Variants in EMID1 observed in about 807,000 individuals in gnomAD.
The protein encoded by EMID1 is EMI domain-containing protein 1.
In EMID1, 40 loss-of-function variants were observed where a neutral mutation model predicts 60.6. That is an observed-to-expected ratio of 0.66 (90% CI 0.51 to 0.86). The LOEUF is 0.86. Ranked by LOEUF, EMID1 falls within the 40% of genes least tolerant of loss-of-function variation. The pLI, the probability that EMID1 is intolerant of heterozygous loss-of-function variation, is 0.00. For missense variants in EMID1, 585 were observed against 597.1 expected (o/e 0.98, Z 0.21); for synonymous variants, 242 against 231.0 (o/e 1.05, Z -0.43).
At position 29,231,147 on chromosome 22, in the gene EMID1, G is replaced by A; in HGVS notation, c.586+7G>A. The A allele has an allele frequency of 1.3e-6, 2 of 1,592,452 alleles. No individual in the cohort carries two copies. Among genetic ancestry groups the A allele is most frequent in the South Asian group, 2.3e-5 (2 of 87,422 alleles). The stretch of plus-strand genomic sequence containing the variant: ...GGAGATGGAGGCCTCCAGGGTGAGT[G>A]TCAGACTCAGACTCCCCTGTGGGAA... On this transcript the variant is annotated splice_region_variant and intron_variant, in intron 6 of 14. Coordinates refer to ENST00000334018, the MANE Select transcript of EMID1 (RefSeq NM_133455.4).
In EMID1 at chr22:29,226,483, C is replaced by A; in HGVS notation, c.404-7C>A. On this transcript the variant is annotated splice_region_variant and splice_polypyrimidine_tract_variant and intron_variant, in intron 4 of 14. Transcript: ENST00000334018. ...GGCCCTGGCCCCAGCTTCCTCCCTC[C>A]CCGCAGGTTGTCTCAACTGCAGCAA... 4 of 1,611,260 alleles carry A rather than the reference C, an allele frequency of 2.5e-6. No individual in the cohort carries two copies. Among genetic ancestry groups the A allele is most frequent in the Non-Finnish European group, 3.4e-6 (4 of 1,178,656 alleles).
chr22:29,208,768 C>G (rs1205928148), intron 1 of EMID1, among the ~76,000 whole-genome samples: 2 of 152,218 alleles, frequency 1.3e-5, no homozygotes, highest in East Asian at 1.9e-4. Flanking sequence ...GCTGGTGTCC[C>G]CAATCCCCAG....
intron 2 of EMID1, chr22:29,215,321 C>T (rs1272213225): frequency 1.3e-5 from 13 of 966,266 alleles, no homozygotes; most frequent in Non-Finnish European, 1.6e-5. Context: ...TCTTCTTGTC[C>T]AGCTGGTATC....
At chr22:29,224,232 C>T (rs1425273376) in intron 3 of EMID1, among the ~76,000 whole-genome samples, 1 of 152,246 alleles carries the variant, frequency 6.6e-6, no homozygotes, top group East Asian at 1.9e-4. Flanking sequence ...CATCAACCCA[C>T]AGCCCCGCTC....
intron 1 of EMID1, among the ~76,000 whole-genome samples, chr22:29,208,712 T>C (rs1401473300): frequency 2.0e-5 from 3 of 152,194 alleles, no homozygotes; most frequent in Non-Finnish European, 4.4e-5. Flanking sequence ...ATGCAGAACC[T>C]GATAATCCCT....
chr22:29,251,382 A>C (rs1478075355), intron 13 of EMID1, among the ~76,000 whole-genome samples: 1 of 143,400 alleles, frequency 7.0e-6, no homozygotes, highest in African/African-American at 2.6e-5. Context: ...GCATCTGGCC[A>C]TTTTTTTTTT....
chr22:29,223,409 T>C (rs2040374124), intron 3 of EMID1, among the ~76,000 whole-genome samples: 1 of 152,220 alleles, frequency 6.6e-6, no homozygotes, highest in Non-Finnish European at 1.5e-5. Context: ...CTTCTTTTGG[T>C]CAACTTCTCA....
rs1185878940 is a variant in EMID1 at position 29,234,079 on chromosome 22, G to A, written c.967-58G>A. 9 of 1,546,224 alleles carry A rather than the reference G, an allele frequency of 5.8e-6. No individual in the cohort carries two copies. In the South Asian group the frequency reaches 7.2e-5, roughly 12 times the overall value. On this transcript the variant is annotated intron_variant, in intron 10 of 14. Coordinates refer to ENST00000334018, the MANE Select transcript of EMID1 (RefSeq NM_133455.4). ...CCCTCCCCAACACCTCTGTTCCCAA[G>A]CCCCTGCCCACTCCATCCTGCCCCA...
At chr22:29,231,806 C>T in intron 7 of EMID1, 124 bp downstream of exon 7, 1 of 958,804 alleles carries the variant, frequency 1.0e-6, no homozygotes, top group Non-Finnish European at 1.5e-6. Flanking sequence ...CTTCACTCAG[C>T]ACCCCACCAC....
intron 3 of EMID1, among the ~76,000 whole-genome samples, chr22:29,218,270 C>G (rs539983669): frequency 6.6e-6 from 1 of 152,250 alleles, no homozygotes; most frequent in Non-Finnish European, 1.5e-5. Context: ...AAGAAACGGA[C>G]CTTGAGTCTC....
chr22:29,253,606 G>T (rs866828473), intron 13 of EMID1, among the ~76,000 whole-genome samples: 1 of 152,120 alleles, frequency 6.6e-6, no homozygotes. Flanking sequence ...CTTTTGACTT[G>T]TGATATTTTC....
rs976816791 is a variant in EMID1 at position 29,205,973 on chromosome 22, A to C, written c.-66A>C. The stretch of plus-strand genomic sequence containing the variant: ...GGGGCGGCTGGCGGCGCGGGCAGGC[A>C]GGCGGGGAGGACAGGCTGGGGGCGG... On this transcript the variant is annotated 5_prime_UTR_variant, in exon 1 of 15. Coordinates refer to ENST00000334018, the MANE Select transcript of EMID1 (RefSeq NM_133455.4). 2.3e-5 allele frequency: 23 copies of C among 998,920 alleles called. No homozygotes were observed. In the African/African-American group the frequency reaches 3.5e-4, roughly 15 times the overall value. 61.9% of individuals were successfully genotyped at this position (998,920 alleles called of 1,614,324 possible). A position where few individuals can be genotyped will look rare whatever the true frequency, so the allele number is the denominator to read the frequency against.
intron 5 of EMID1, among the ~76,000 whole-genome samples, chr22:29,227,704 C>CAAAAA (rs560219761): frequency 6.7e-5 from 6 of 88,948 alleles, no homozygotes; most frequent in Non-Finnish European, 1.3e-4. Flanking sequence ...GACTCTGTCT[C>CAAAAA]AAAAAAAAAA....
chr22:29,227,725 A>C (rs28795676), intron 5 of EMID1, among the ~76,000 whole-genome samples: 37,385 of 136,032 alleles, frequency 0.27, 6,283 homozygotes, highest in African/African-American at 0.47. Flanking sequence ...AAAAAAAAAA[A>C]AACAAATTAG....
chr22:29,242,324 C>T (rs1037352327), intron 12 of EMID1, among the ~76,000 whole-genome samples: 5 of 152,154 alleles, frequency 3.3e-5, no homozygotes, highest in Non-Finnish European at 7.3e-5. Flanking sequence ...TGATAATTTT[C>T]TATTTCTGGT....
intron 8 of EMID1, 78 bp downstream of exon 8, chr22:29,232,480 C>T (rs1385304557): frequency 4.2e-6 from 6 of 1,427,160 alleles, no homozygotes; most frequent in Admixed American, 2.8e-5. Flanking sequence ...CCATCTGCCA[C>T]GTGCCTTCTG....
chr22:29,206,276 G>T (rs1328875461), intron 1 of EMID1, 137 bp downstream of exon 1: 15 of 697,760 alleles, frequency 2.1e-5, no homozygotes, highest in Non-Finnish European at 3.0e-5. Context: ...GCCATCCCGC[G>T]GTCCGGCTGA....
At chr22:29,237,817 A>C (rs907311986) in intron 12 of EMID1, among the ~76,000 whole-genome samples, 1 of 143,486 alleles carries the variant, frequency 7.0e-6, no homozygotes, top group Admixed American at 6.8e-5. Context: ...AACAAACAAA[A>C]AAAATCTGAG....
At chr22:29,216,445 G>A in intron 3 of EMID1, 6 of 985,472 alleles carry the variant, frequency 6.1e-6, no homozygotes, top group Non-Finnish European at 6.0e-6. Context: ...AAGAGGATGG[G>A]CTGGCCCAGA....
Sources: allele counts gnomAD v4.1 joint callset (sites outside exome capture counted in the v4.1 genomes callset), GRCh38; gene constraint gnomAD v4.1.1; transcripts MANE v1.5; gene names NCBI Gene and HGNC (gene_info 2026-07-23, HGNC 2026-07-21).